Variants in VPS13B observed in about 807,000 individuals in gnomAD.
VPS13B encodes the protein intermembrane lipid transfer protein VPS13B.
VPS13B carries 285 observed loss-of-function variants against 426.4 expected under a neutral mutation model. That is an observed-to-expected ratio of 0.67 (90% CI 0.61 to 0.74). The LOEUF (loss-of-function observed/expected upper bound fraction) is 0.74, where lower values mean the gene tolerates loss of function less well. Among genes scored for constraint, VPS13B ranks in the 30% least tolerant of loss-of-function variants. VPS13B has a pLI of 0.00. For synonymous variants in VPS13B, 1,676 were observed against 1,676.4 expected (o/e 1.00, Z 0.01); for missense variants, 4,537 against 4,782.6 (o/e 0.95, Z 1.51).
chr8:99,580,649 C>T (rs1366490916), intron 33 of VPS13B, among the ~76,000 whole-genome samples: 1 of 151,660 alleles, frequency 6.6e-6, no homozygotes, highest in East Asian at 1.9e-4. Context: ...CAGGAGTTCA[C>T]AATCAGCCTG....
rs547365390 is a variant in VPS13B, at chr8:99,384,861, G to A, written c.2934+544G>A. On this transcript the variant is annotated intron_variant, in intron 20 of 61. Coordinates refer to ENST00000357162, the MANE Select transcript of VPS13B (RefSeq NM_152564.5). ...TGCCCAGCTAATTTTTGTATTTTTA[G>A]TAGAGACAGGGTTTCACCTGTTGGC... Among the ~76,000 whole-genome samples, 25 of 152,270 alleles carry A rather than the reference G, an allele frequency of 1.6e-4. 1 individual carries two copies. Among genetic ancestry groups the A allele is most frequent in the African/African-American group, 5.8e-4 (24 of 41,560 alleles).
chr8:99,848,686 T>A, intron 54 of VPS13B, 90 bp from the exon 55 acceptor site: 1 of 1,151,240 alleles, frequency 8.7e-7, no homozygotes, highest in Non-Finnish European at 1.3e-6. Context: ...GTTTGTGGTA[T>A]TGAATCAGAA....
At chr8:99,162,441 TCTCA>T (rs1445489426) in intron 15 of VPS13B, among the ~76,000 whole-genome samples, 1 of 152,234 alleles carries the variant, frequency 6.6e-6, no homozygotes, top group African/African-American at 2.4e-5. Context: ...GGGTTCTTGG[TCTCA>T]CTGACTTCAA....
At chr8:99,423,233 C>T (rs1274868146) in intron 21 of VPS13B, among the ~76,000 whole-genome samples, 6 of 151,640 alleles carry the variant, frequency 4.0e-5, no homozygotes, top group South Asian at 2.1e-4. Flanking sequence ...TCTTAGAAAT[C>T]GGATTATTTT....
intron 36 of VPS13B, among the ~76,000 whole-genome samples, chr8:99,710,797 C>G (rs996596473): frequency 2.0e-5 from 3 of 147,886 alleles, no homozygotes; most frequent in East Asian, 4.0e-4. Context: ...GGAGACCAGC[C>G]TGACCAATGT....
At chr8:99,253,142 A>G (rs1205374628) in intron 17 of VPS13B, among the ~76,000 whole-genome samples, 1 of 152,092 alleles carries the variant, frequency 6.6e-6, no homozygotes, top group Non-Finnish European at 1.5e-5. Context: ...TTCAAAGTTT[A>G]TTCTTGTTGT....
chr8:99,472,411 A>T (rs1819462152), intron 24 of VPS13B, among the ~76,000 whole-genome samples: 1 of 151,980 alleles, frequency 6.6e-6, no homozygotes, highest in Non-Finnish European at 1.5e-5. Context: ...TAAAATAGCT[A>T]GAAAAACTTT....
intron 13 of VPS13B, among the ~76,000 whole-genome samples, chr8:99,145,371 C>G (rs1381406682): frequency 6.6e-6 from 1 of 152,052 alleles, no homozygotes; most frequent in Non-Finnish European, 1.5e-5. Flanking sequence ...TTTGTGTGTT[C>G]ACTACCATGG....
intron 23 of VPS13B, among the ~76,000 whole-genome samples, chr8:99,452,967 T>C (rs1299327508): frequency 2.0e-5 from 3 of 152,238 alleles, no homozygotes; most frequent in East Asian, 3.8e-4. Context: ...GATGGATTTC[T>C]ACACTGTGCC....
intron 17 of VPS13B, among the ~76,000 whole-genome samples, chr8:99,235,469 G>A (rs1325941737): frequency 6.6e-6 from 1 of 152,094 alleles, no homozygotes; most frequent in Non-Finnish European, 1.5e-5. Context: ...TACCTTTTCT[G>A]TGTGCCTATC....
chr8:99,050,171 C>T (rs1843453699), intron 3 of VPS13B, among the ~76,000 whole-genome samples: 1 of 152,026 alleles, frequency 6.6e-6, no homozygotes, highest in Admixed American at 6.6e-5. Context: ...TCTCCTAATG[C>T]TATCGCTCCC....
In VPS13B at chr8:99,053,116, T is replaced by A. The variant is rs149127651; in HGVS notation, c.291+14550T>A. 2.8e-3 allele frequency among the ~76,000 whole-genome samples: 432 copies of A among 151,630 alleles called. 7 individuals are homozygous for A. The East Asian group carries it at 0.045, about 16-fold the overall frequency. ...CTCTTGCTTCTCTAGTTCTTTAATT[T>A]TTTAATTATTTAATTATTTATTTAT... On this transcript the variant is annotated intron_variant, in intron 3 of 61. Transcript: ENST00000357162.
At chr8:99,155,337 A>G (rs1019139277) in intron 14 of VPS13B, among the ~76,000 whole-genome samples, 10 of 152,310 alleles carry the variant, frequency 6.6e-5, no homozygotes, top group South Asian at 4.1e-4. Context: ...ATTATATACT[A>G]TATGATTTCA....
At chr8:99,520,168 C>T (rs1360101493) in intron 29 of VPS13B, among the ~76,000 whole-genome samples, 6 of 151,982 alleles carry the variant, frequency 3.9e-5, no homozygotes, top group Non-Finnish European at 5.9e-5. Context: ...GATTATTTAT[C>T]ATAGTTTTAG....
At chr8:99,874,544 A>G (rs1817597220) in intron 61 of VPS13B, among the ~76,000 whole-genome samples, 1 of 152,142 alleles carries the variant, frequency 6.6e-6, no homozygotes, top group Non-Finnish European at 1.5e-5. Flanking sequence ...TAGTCTTGCC[A>G]ATGTTCAGTA....
intron 17 of VPS13B, among the ~76,000 whole-genome samples, chr8:99,194,156 T>C (rs1813759465): frequency 6.6e-6 from 1 of 152,180 alleles, no homozygotes; most frequent in East Asian, 1.9e-4. Context: ...ATGTTCAAGT[T>C]GTAGTAGTTT....
At chr8:99,498,894 A>G (rs1821078432) in intron 25 of VPS13B, among the ~76,000 whole-genome samples, 1 of 150,342 alleles carries the variant, frequency 6.7e-6, no homozygotes, top group East Asian at 1.9e-4. Context: ...CTTAAGTACA[A>G]ACAGTGGTCG....
In VPS13B at chr8:99,502,877, A is replaced by G. The variant is rs1230385293; in HGVS notation, c.4084A>G (p.Ile1362Val). ...TGAACTAGAAGATCTCAGTGCTTCC[A>G]TAGATGTCCAGGATGTATATACCAA... ...VSELEDLSAS[I>V]DVQDVYTKVK... is the part of the protein sequence containing the mutation. The change falls in exon 27 of 62, where the codon ATA becomes GTA. Residue 1362 changes from isoleucine to valine, a missense_variant. Around this residue, in one of 2 missense-constraint regions of VPS13B, gnomAD observed 4,311 missense variants for 4,474.3 expected, o/e 0.96. Transcript: ENST00000357162. The G allele has an allele frequency of 1.9e-6, 3 of 1,613,552 alleles. No individual in the cohort carries two copies. Among genetic ancestry groups the G allele is most frequent in the Non-Finnish European group, 2.5e-6 (3 of 1,179,738 alleles).
At chr8:99,623,294 T>G (rs1828447953) in intron 33 of VPS13B, among the ~76,000 whole-genome samples, 1 of 152,200 alleles carries the variant, frequency 6.6e-6, no homozygotes, top group Non-Finnish European at 1.5e-5. Flanking sequence ...AGGCCTACCA[T>G]GACTTCCCTA....
Sources: gnomAD v4.1 joint callset for allele counts (sites outside exome capture counted in the v4.1 genomes callset) on GRCh38, gnomAD v4.1.1 for gene constraint, gnomAD v4.1.1 regional missense constraint, MANE v1.5 for transcripts, NCBI Gene and HGNC (gene_info 2026-07-23, HGNC 2026-07-21) for gene names.